The following CTTN variants were observed in gnomAD, a reference collection of about 807,000 sequenced individuals.
CTTN encodes src substrate cortactin.
In CTTN, 28 loss-of-function variants were observed where a neutral mutation model predicts 84.0. The ratio of observed to expected loss-of-function variants is 0.33; its 90% CI spans 0.25 to 0.46. CTTN has a LOEUF of 0.46. Among genes scored for constraint, CTTN ranks in the 20% least tolerant of loss-of-function variants. The pLI, the probability that CTTN is intolerant of heterozygous loss-of-function variation, is 1.00. For missense variants in CTTN, 641 were observed against 723.8 expected, an observed-to-expected ratio of 0.89 and a Z score of 1.31; for synonymous variants, 301 against 288.8, an observed-to-expected ratio of 1.04 and a Z score of -0.43.
intron 1 of CTTN, among the ~76,000 whole-genome samples, chr11:70,405,002 C>CA (rs1047996481): frequency 1.5e-4 from 23 of 151,466 alleles, no homozygotes; most frequent in South Asian, 4.2e-4. Context: ...AACTCCATCT[C>CA]AAAAAAAACA....
At position 70,422,714 on chromosome 11, in the gene CTTN, T is replaced by C. The variant is rs1591444800; in HGVS notation, c.902-226T>C. ...GCCCCTCCTGCCCCTCAGGGAATGC[T>C]GAAGCCTCTGCCCCTGGCCTGTGCT... On this transcript the variant is annotated intron_variant, in intron 11 of 17. Transcript: ENST00000301843. 3 of 1,443,498 alleles carry C rather than the reference T, an allele frequency of 2.1e-6. No homozygotes were observed. In the East Asian group the frequency reaches 8.7e-5, roughly 42 times the overall value. 89.4% of individuals were successfully genotyped at this position (1,443,498 alleles called of 1,614,324 possible). A position where few individuals can be genotyped will look rare whatever the true frequency, so the allele number is the denominator to read the frequency against.
Position 70,420,611 on chromosome 11 carries a change from A to T in CTTN, c.790+101A>T, listed in dbSNP as rs572645921. ...TTGTGTCTGCGTGTGCCTGCTGCAC[A>T]TTGTTTTGTCTTCACTGTTTGAAGT... is the stretch of plus-strand genomic sequence containing the variant. On this transcript the variant is annotated intron_variant, in intron 10 of 17. Transcript: ENST00000301843. The T allele has an allele frequency of 5.9e-6, 5 of 841,806 alleles. No individual in the cohort carries two copies. The South Asian group carries it at 7.4e-5, about 12-fold the overall frequency. The allele number at this position is 841,806 out of a possible 1,614,324, so 52.1% of individuals were successfully genotyped here.
At position 70,417,139 on chromosome 11, in the gene CTTN, C is replaced by A; in HGVS notation, c.568+16C>A. 6.3e-7 allele frequency: 1 copy of A among 1,597,268 alleles called. No homozygotes were observed. The highest frequency in any genetic ancestry group is 8.6e-7 in the Non-Finnish European group (1 of 1,164,554). ...TCACAGAGAGGTGGGGCGGACCCCA[C>A]GGTCTGTAATCACGCGTTTGCTCCA... On this transcript the variant is annotated intron_variant, in intron 8 of 17. Transcript: ENST00000301843.
chr11:70,435,253 G>GTTTTTTTTTCTTTT lies in CTTN; in HGVS notation c.*100_*101insCTTTTTTTTTTTTT. 1.1e-6 allele frequency: 1 copy of GTTTTTTTTTCTTTT among 936,826 alleles called. No individual in the cohort carries two copies. The highest frequency in any genetic ancestry group is 1.3e-6 in the Non-Finnish European group (1 of 761,254). The allele number at this position is 936,826 out of a possible 1,614,324, so 58.0% of individuals were successfully genotyped here. On this transcript the variant is annotated 3_prime_UTR_variant, in exon 18 of 18. Transcript: ENST00000301843. ...TCTTGGGTGGTTTTGGGTTTTTTCTGTTTTTTTTTTTTTTTTTTTTTTTTT... is the reference window on the plus strand; with the variant it reads ...TCTTGGGTGGTTTTGGGTTTTTTCTGTTTTTTTTTCTTTTTTTTTTTTTTTTTTTTTTTTTTTTT...
At chr11:70,422,571 A>G (rs770321856) in intron 11 of CTTN, 16 of 1,305,780 alleles carry the variant, frequency 1.2e-5, no homozygotes, top group Middle Eastern at 2.1e-4. Context: ...CACAGGAAGC[A>G]GATGAGAATA....
intron 1 of CTTN, among the ~76,000 whole-genome samples, chr11:70,398,927 A>G (rs2135538961): frequency 6.7e-6 from 1 of 149,994 alleles, no homozygotes; most frequent in East Asian, 2.0e-4. Context: ...AAATTGGGGT[A>G]TCAGCTCTGA....
chr11:70,427,728 A>G (rs149738556), intron 13 of CTTN, among the ~76,000 whole-genome samples: 1 of 152,312 alleles, frequency 6.6e-6, no homozygotes, highest in Non-Finnish European at 1.5e-5. Context: ...TGGGTCTCTG[A>G]GTTGTGCTCG....
At chr11:70,404,451 C>G (rs2058020890) in intron 1 of CTTN, among the ~76,000 whole-genome samples, 1 of 152,148 alleles carries the variant, frequency 6.6e-6, no homozygotes, top group Admixed American at 6.6e-5. Flanking sequence ...GGAATGCAGC[C>G]CGCCTCCTCC....
intron 15 of CTTN, among the ~76,000 whole-genome samples, chr11:70,432,883 G>A (rs903859691): frequency 1.3e-5 from 2 of 152,176 alleles, no homozygotes; most frequent in Non-Finnish European, 2.9e-5. Flanking sequence ...CGGTGGTGAG[G>A]ACCGGGTCAT....
chr11:70,409,847 G>A lies in CTTN; in HGVS notation c.178G>A (p.Glu60Lys). 6.2e-7 allele frequency: 1 copy of A among 1,614,100 alleles called. No homozygotes were observed. ...QEHINIHKLR[E>K]NVFQEHQTLK... The stretch of plus-strand genomic sequence containing the variant: ...TCCATCAAGCATACACAAGCTGAGG[G>A]AGAATGTCTTTCAAGAGCATCAGAC... The change falls in exon 5 of 18, where the codon GAG becomes AAG. Residue 60 changes from glutamate (E) to lysine (K), a missense_variant. Transcript: ENST00000301843.
intron 11 of CTTN, 21 bp from the exon 12 acceptor site, chr11:70,422,916 GTGT>G: frequency 6.2e-7 from 1 of 1,614,172 alleles, no homozygotes. Context: ...CTCAGAGTAA[GTGT>G]TGTGTTTTGC....
In CTTN at chr11:70,419,876, A is replaced by G; in HGVS notation, c.679+20A>G. 1 of 1,585,276 alleles carries G rather than the reference A, an allele frequency of 6.3e-7. No individual in the cohort carries two copies. The highest frequency in any genetic ancestry group is 1.1e-5 in the South Asian group (1 of 89,118). On this transcript the variant is annotated intron_variant, in intron 9 of 17. Transcript: ENST00000301843. Reference sequence around the variant, plus strand: ...AGAAAGGTGTCTTCCGTTTTATCTTACCCTCCAGCCAGCAGCTAGTAATGT... The same window carrying G: ...AGAAAGGTGTCTTCCGTTTTATCTTGCCCTCCAGCCAGCAGCTAGTAATGT...
chr11:70,434,884 A>G (rs1469293572), intron 17 of CTTN, 142 bp from the exon 18 acceptor site: 6 of 835,136 alleles, frequency 7.2e-6, no homozygotes, highest in Non-Finnish European at 1.2e-5. Flanking sequence ...GAGAGGCAGC[A>G]GGAGCCTCCG....
chr11:70,426,292 TC>T (rs989732047), intron 13 of CTTN, among the ~76,000 whole-genome samples: 9 of 151,602 alleles, frequency 5.9e-5, no homozygotes, highest in Non-Finnish European at 1.0e-4. Flanking sequence ...GCGCCTGTAG[TC>T]CCAGCTACTC....
At position 70,414,147 on chromosome 11, in the gene CTTN, C is replaced by T. The variant is rs2135565319; in HGVS notation, c.292-395C>T. 2.6e-5 allele frequency among the ~76,000 whole-genome samples: 4 copies of T among 152,260 alleles called. No homozygotes were observed. In the Middle Eastern group the frequency reaches 0.014, roughly 521 times the overall value. ...GATCACAAGGTCAGGAGATGGAGAC[C>T]ATCCTGGCTAACACGGTGAAACCCC... On this transcript the variant is annotated intron_variant, in intron 5 of 17. Transcript: ENST00000301843.
chr11:70,415,575 A>AATGTC lies in CTTN; in HGVS notation c.403-79_403-75dup, dbSNP rs1591438670. ...GCATCATGTGTTTCATATTTTTTTAAATGTCATGTCATGAATTCAGAGAGA... is the reference window on the plus strand; with the variant it reads ...GCATCATGTGTTTCATATTTTTTTAAATGTCATGTCATGTCATGAATTCAGAGAGA... On this transcript the variant is annotated intron_variant, in intron 6 of 17. Transcript: ENST00000301843. The AATGTC allele has an allele frequency of 5.8e-6, 7 of 1,213,080 alleles. 1 individual carries two copies. In the Admixed American group the frequency reaches 8.6e-5, roughly 15 times the overall value. The allele number at this position is 1,213,080 out of a possible 1,614,324, so 75.1% of individuals were successfully genotyped here.
intron 5 of CTTN, chr11:70,410,161 C>A: frequency 1.9e-6 from 1 of 532,950 alleles, no homozygotes; most frequent in Non-Finnish European, 3.3e-6. Context: ...TTTAGGAATC[C>A]TCAGAGGTGC....
At chr11:70,424,025 TGTGGGGTGGAC>T (rs1288464402) in intron 12 of CTTN, among the ~76,000 whole-genome samples, 1 of 151,416 alleles carries the variant, frequency 6.6e-6, no homozygotes, top group Non-Finnish European at 1.5e-5. Flanking sequence ...GTCGGGTGGA[TGTGGGGTGGAC>T]GTGGGGCCAA....
intron 1 of CTTN, among the ~76,000 whole-genome samples, chr11:70,400,428 C>T (rs1216245517): frequency 6.6e-6 from 1 of 152,002 alleles, no homozygotes; most frequent in Non-Finnish European, 1.5e-5. Flanking sequence ...CACCACTGTA[C>T]TCCAGCCTGG....
Sources: gnomAD v4.1 joint callset for allele counts (sites outside exome capture counted in the v4.1 genomes callset) on GRCh38, gnomAD v4.1.1 for gene constraint, MANE v1.5 for transcripts, NCBI Gene and HGNC (gene_info 2026-07-23, HGNC 2026-07-21) for gene names.